The following FGD5 variants were observed in gnomAD, a reference collection of about 807,000 sequenced individuals.
The protein encoded by FGD5 is FYVE, RhoGEF and PH domain-containing protein 5.
A neutral mutation model predicts 133.4 loss-of-function variants in FGD5; 28 were observed. That is an observed-to-expected ratio of 0.21 (90% CI 0.16 to 0.29). The LOEUF (loss-of-function observed/expected upper bound fraction) is 0.29, where lower values mean the gene tolerates loss of function less well. Among genes scored for constraint, FGD5 ranks in the 10% least tolerant of loss-of-function variants. The pLI, the probability that FGD5 is intolerant of heterozygous loss-of-function variation, is 1.00. For synonymous variants in FGD5, 810 were observed against 776.5 expected (o/e 1.04, Z -0.72); for missense variants, 1,858 against 1,895.2 (o/e 0.98, Z 0.36).
At chr3:14,868,529 T>C (rs999408185) in intron 2 of FGD5, among the ~76,000 whole-genome samples, 4 of 152,254 alleles carry the variant, frequency 2.6e-5, no homozygotes, top group African/African-American at 9.6e-5. Context: ...AGTCCCCAGC[T>C]GGGGTTAAAC....
intron 1 of FGD5, among the ~76,000 whole-genome samples, chr3:14,843,211 T>G (rs954251057): frequency 1.3e-5 from 2 of 152,148 alleles, no homozygotes; most frequent in African/African-American, 4.8e-5. Context: ...CATCCCAAAC[T>G]TGGCACAGTA....
intron 1 of FGD5, among the ~76,000 whole-genome samples, chr3:14,853,240 C>T (rs1160623551): frequency 6.6e-6 from 1 of 152,142 alleles, no homozygotes; most frequent in African/African-American, 2.4e-5. Flanking sequence ...CCTGGAGGGA[C>T]TGTTTAGTAC....
At position 14,834,596 on chromosome 3, in the gene FGD5, A is replaced by G. The variant is rs1032604024; in HGVS notation, c.2525+13000A>G. On this transcript the variant is annotated intron_variant, in intron 1 of 19. Transcript: ENST00000285046. The stretch of plus-strand genomic sequence containing the variant: ...GTTTGAACACCCTACGTCATCTCAC[A>G]TAGTCGGGCTTTTGATAAGAGCTAT... Among the ~76,000 whole-genome samples the G allele has an allele frequency of 4.6e-5, 7 of 152,222 alleles. No individual in the cohort carries two copies. The East Asian group carries it at 5.8e-4, about 13-fold the overall frequency.
intron 9 of FGD5, among the ~76,000 whole-genome samples, chr3:14,903,387 T>C (rs1449659185): frequency 6.6e-6 from 1 of 152,084 alleles, no homozygotes; most frequent in Admixed American, 6.5e-5. Context: ...ACTTTTAGGG[T>C]ACATGTGCAC....
In FGD5 at chr3:14,933,200, C is replaced by G. The variant is rs1184848178; in HGVS notation, c.*33C>G. The G allele has an allele frequency of 6.2e-7, 1 of 1,609,718 alleles. No homozygotes were observed. On this transcript the variant is annotated 3_prime_UTR_variant, in exon 20 of 20. Transcript: ENST00000285046. ...CAAGCATGTGGACTTGTAACAAATT[C>G]TTAGGTCAATATGTGAATGCTTTTA...
At position 14,896,407 on chromosome 3, in the gene FGD5, A is replaced by G. The variant is rs143687284; in HGVS notation, c.2749-1102A>G. 2.5e-3 allele frequency among the ~76,000 whole-genome samples: 383 copies of G among 152,340 alleles called. 1 individual carries two copies. The highest frequency in any genetic ancestry group is 8.8e-3 in the African/African-American group (366 of 41,576). On this transcript the variant is annotated intron_variant, in intron 4 of 19. Coordinates refer to ENST00000285046, the MANE Select transcript of FGD5 (RefSeq NM_152536.4). ...AATTTACTTCGAAGTTTTAGTCTCC[A>G]AGTCAGCATAGTACTTGCATTAAAA...
chr3:14,864,056 G>A (rs756853088), intron 1 of FGD5, 72 bp from the exon 2 acceptor site: 2 of 1,567,070 alleles, frequency 1.3e-6, no homozygotes, highest in Non-Finnish European at 8.7e-7. Context: ...GCATGAATGG[G>A]ACCCCTGGTA....
rs550251553 is a variant in FGD5 at position 14,852,820 on chromosome 3, C to T, written c.2526-11308C>T. ...CCCTGGGTGCAGGAGGCATTCTCTC[C>T]GAGAGGCGTGAAAGGGAGCCTCACT... On this transcript the variant is annotated intron_variant, in intron 1 of 19. Coordinates refer to ENST00000285046, the MANE Select transcript of FGD5 (RefSeq NM_152536.4). Among the ~76,000 whole-genome samples, 28 of 152,280 alleles carry T rather than the reference C, an allele frequency of 1.8e-4. No individual in the cohort carries two copies. The South Asian group carries it at 5.6e-3, about 30-fold the overall frequency.
intron 4 of FGD5, among the ~76,000 whole-genome samples, chr3:14,881,594 A>T (rs1470031420): frequency 1.3e-5 from 2 of 152,218 alleles, no homozygotes; most frequent in Non-Finnish European, 2.9e-5. Context: ...GAACCATGGC[A>T]GTCTCAGGCT....
At chr3:14,864,720 G>C (rs897171547) in intron 2 of FGD5, among the ~76,000 whole-genome samples, 2 of 152,230 alleles carry the variant, frequency 1.3e-5, no homozygotes, top group African/African-American at 4.8e-5. Flanking sequence ...GCAGTGCTGT[G>C]AGGGGATGGA....
chr3:14,906,612 G>A (rs1179871154), intron 9 of FGD5, among the ~76,000 whole-genome samples: 1 of 152,250 alleles, frequency 6.6e-6, no homozygotes, highest in African/African-American at 2.4e-5. Context: ...GAGCTTGCAA[G>A]TGAGGACAGA....
chr3:14,896,305 C>T lies in FGD5; in HGVS notation c.2749-1204C>T, dbSNP rs568856779. Among the ~76,000 whole-genome samples, 8 of 152,190 alleles carry T rather than the reference C, an allele frequency of 5.3e-5. No individual in the cohort carries two copies. The South Asian group carries it at 1.7e-3, about 32-fold the overall frequency. On this transcript the variant is annotated intron_variant, in intron 4 of 19. Transcript: ENST00000285046. ...AAAAGTCCTAAGATTTATATGTAAC[C>T]ACAAAAGACCCCCAACAGCCAAAGC...
At chr3:14,898,630 G>A in intron 6 of FGD5, 109 bp from the exon 7 acceptor site, 1 of 857,620 alleles carries the variant, frequency 1.2e-6, no homozygotes, top group Non-Finnish European at 1.8e-6. Flanking sequence ...GAGAAGTTCA[G>A]CTGGCCCGGG....
intron 1 of FGD5, among the ~76,000 whole-genome samples, chr3:14,849,891 G>C (rs2037124916): frequency 6.6e-6 from 1 of 152,132 alleles, no homozygotes; most frequent in Admixed American, 6.5e-5. Flanking sequence ...TGTTGCTGCT[G>C]CTTCTGTTGT....
chr3:14,868,824 T>C (rs961152668), intron 2 of FGD5, among the ~76,000 whole-genome samples: 3 of 152,228 alleles, frequency 2.0e-5, no homozygotes, highest in African/African-American at 7.2e-5. Context: ...ACTCTGTGCC[T>C]GGCTCATTGT....
At chr3:14,864,469 A>C (rs1208851504) in intron 2 of FGD5, among the ~76,000 whole-genome samples, 2 of 152,206 alleles carry the variant, frequency 1.3e-5, no homozygotes, top group African/African-American at 2.4e-5. Flanking sequence ...GCAACTGCTC[A>C]TGCCGGTATT....
chr3:14,884,567 A>G (rs2037888739), intron 4 of FGD5, among the ~76,000 whole-genome samples: 1 of 152,164 alleles, frequency 6.6e-6, no homozygotes, highest in Non-Finnish European at 1.5e-5. Flanking sequence ...AAGTGTTACC[A>G]CTTCAAACTA....
At chr3:14,852,756 A>G (rs184960947) in intron 1 of FGD5, among the ~76,000 whole-genome samples, 2,365 of 152,312 alleles carry the variant, frequency 0.016, 31 homozygotes, top group Non-Finnish European at 0.026. Flanking sequence ...TCCTTCGGTC[A>G]TGTTTCTGGG....
intron 1 of FGD5, among the ~76,000 whole-genome samples, chr3:14,850,009 C>A (rs1027783388): frequency 6.6e-6 from 1 of 152,190 alleles, no homozygotes; most frequent in Non-Finnish European, 1.5e-5. Flanking sequence ...TAGCTCCTGG[C>A]AACTTCAGAT....
Sources: allele counts gnomAD v4.1 joint callset (sites outside exome capture counted in the v4.1 genomes callset), GRCh38; gene constraint gnomAD v4.1.1; transcripts MANE v1.5; gene names NCBI Gene and HGNC (gene_info 2026-07-23, HGNC 2026-07-21).